Variants in A3GALT2 observed in about 807,000 individuals in gnomAD.
The protein encoded by A3GALT2 is alpha-1,3-galactosyltransferase 2.
Under a neutral mutation model 16.6 loss-of-function variants are expected in A3GALT2, and 14 were observed. The observed-to-expected ratio is 0.84, with a 90% CI of 0.56 to 1.32. A3GALT2 has a LOEUF of 1.32. Ranked by LOEUF, A3GALT2 falls within the 40% of genes most tolerant of loss-of-function variation. The pLI is 0.00. For synonymous variants in A3GALT2, 253 were observed against 218.0 expected (o/e 1.16, Z -1.42); for missense variants, 600 against 490.9 (o/e 1.22, Z -2.10).
Position 33,312,125 on chromosome 1 carries a change from C to A in A3GALT2, c.262G>T (p.Asp88Tyr). ...GCCTCTTGCTTGGCCACATCTGGGT[C>A]GAAAGAGCCATCCCAAATAATGGGA... ...GAPIIWDGSF[D>Y]PDVAKQEARQ... is the part of the protein sequence containing the mutation. The change falls in exon 4 of 5, where the codon GAC becomes TAC. Residue 88 changes from aspartate (D) to tyrosine (Y), a missense_variant. By Grantham distance (160) the Asp-to-Tyr change is radical. Coordinates refer to ENST00000442999, the MANE Select transcript of A3GALT2 (RefSeq NM_001080438.1). The A allele has an allele frequency of 6.2e-7, 1 of 1,613,576 alleles. No individual in the cohort carries two copies. The highest frequency in any genetic ancestry group is 1.1e-5 in the South Asian group (1 of 91,014).
In A3GALT2 at chr1:33,307,295, C is replaced by A; in HGVS notation, c.494G>T (p.Arg165Leu). The change falls in exon 5 of 5, where the codon CGC becomes CTC. Residue 165 changes from arginine (R) to leucine (L), a missense_variant. Physicochemically the swap from Arg to Leu is moderately radical, Grantham distance 102. Transcript: ENST00000442999. ...CGACACGTCTTGCCAGCGCCGCTCG[C>A]GCGCCACGCGCTCCACGGGCAGCCG... ...GRRLPVERVARERRWQDVSMA... is the reference protein window; with the variant it reads ...GRRLPVERVALERRWQDVSMA... 2 of 1,457,344 alleles carry A rather than the reference C, an allele frequency of 1.4e-6. No homozygotes were observed. The highest frequency in any genetic ancestry group is 1.8e-6 in the Non-Finnish European group (2 of 1,115,052). The allele number at this position is 1,457,344 out of a possible 1,614,324, so 90.3% of individuals were successfully genotyped here.
At chr1:33,309,558 CG>C (rs1646222617) in intron 4 of A3GALT2, among the ~76,000 whole-genome samples, 1 of 150,218 alleles carries the variant, frequency 6.7e-6, no homozygotes. Context: ...GGGCGGCTGC[CG>C]GGCGGAGGGG....
chr1:33,318,625 A>G (rs1646271624), intron 1 of A3GALT2, among the ~76,000 whole-genome samples: 2 of 151,864 alleles, frequency 1.3e-5, no homozygotes, highest in South Asian at 4.2e-4. Context: ...ACCCTTCACT[A>G]TGAAGTCTCC....
At chr1:33,310,590 G>C (rs889378329) in intron 4 of A3GALT2, among the ~76,000 whole-genome samples, 1 of 152,192 alleles carries the variant, frequency 6.6e-6, no homozygotes, top group Non-Finnish European at 1.5e-5. Context: ...TCTAAAGAGC[G>C]TTAGAAACTT....
At chr1:33,313,614 GC>G (rs1483829841) in intron 1 of A3GALT2, 2 of 152,090 alleles carry the variant, frequency 1.3e-5, no homozygotes, top group East Asian at 3.9e-4. Flanking sequence ...TCCAGGAAGG[GC>G]TCCAAATGCT....
intron 4 of A3GALT2, among the ~76,000 whole-genome samples, chr1:33,308,221 GT>G (rs1489091268): frequency 6.7e-6 from 1 of 149,858 alleles, no homozygotes; most frequent in Non-Finnish European, 1.5e-5. Flanking sequence ...GACTGGCAGC[GT>G]TTCTCTCTTT....
intron 1 of A3GALT2, among the ~76,000 whole-genome samples, chr1:33,315,200 G>A (rs2148162364): frequency 6.6e-6 from 1 of 152,170 alleles, no homozygotes; most frequent in African/African-American, 2.4e-5. Context: ...TGGCCAACAC[G>A]GTGAAACCCC....
In A3GALT2 at chr1:33,321,027, T is replaced by TA; in HGVS notation, c.23+48_23+49insT. The stretch of plus-strand genomic sequence containing the variant: ...GCCATCAGACTGGATCCCTCTTAGC[T>TA]CAGCTGTCCCCAAGCTTTCTTCCTC... On this transcript the variant is annotated intron_variant, in intron 1 of 4. Transcript: ENST00000442999. The TA allele has an allele frequency of 3.1e-6, 5 of 1,610,918 alleles. No individual in the cohort carries two copies. In the Middle Eastern group the frequency reaches 6.6e-4, roughly 213 times the overall value.
At chr1:33,313,890 C>T (rs940188996) in intron 1 of A3GALT2, among the ~76,000 whole-genome samples, 2 of 152,002 alleles carry the variant, frequency 1.3e-5, no homozygotes, top group African/African-American at 4.8e-5. Flanking sequence ...ACAAGCTAAG[C>T]GTTGAGAACA....
At chr1:33,315,246 G>T (rs1306421320) in intron 1 of A3GALT2, among the ~76,000 whole-genome samples, 1 of 152,168 alleles carries the variant, frequency 6.6e-6, no homozygotes, top group Non-Finnish European at 1.5e-5. Context: ...GCTGGCCGTG[G>T]TGGCACGCGT....
intron 1 of A3GALT2, chr1:33,313,647 C>T (rs1248826346): frequency 6.6e-6 from 1 of 152,134 alleles, no homozygotes; most frequent in Non-Finnish European, 1.5e-5. Context: ...TAAGCTCCTT[C>T]TGGGGAGCTT....
Position 33,313,171 on chromosome 1 carries a change from C to G in A3GALT2, c.24-281G>C, listed in dbSNP as rs1557808867. Among the ~76,000 whole-genome samples, 8 of 99,836 alleles carry G rather than the reference C, an allele frequency of 8.0e-5. 4 individuals are homozygous for G. The highest frequency in any genetic ancestry group is 6.7e-4 in the Admixed American group (6 of 8,954). 65.5% of individuals were successfully genotyped at this position (99,836 alleles called of 152,430 possible). ...TGCACAAGTGTTTGTGGCTCAGTGA[C>G]GGAGTTTTTTTTTTTTTTTTTTTTT... is the stretch of plus-strand genomic sequence containing the variant. On this transcript the variant is annotated intron_variant, in intron 1 of 4. Coordinates refer to ENST00000442999, the MANE Select transcript of A3GALT2 (RefSeq NM_001080438.1).
chr1:33,309,415 G>A lies in A3GALT2; in HGVS notation c.336-1962C>T, dbSNP rs530995391. ...GGGGGCTGCCCCCCACCTCCCTCCCGGACGGGGCGGCTGGCCAGGCGGGGG... is the reference window on the plus strand; with the variant it reads ...GGGGGCTGCCCCCCACCTCCCTCCCAGACGGGGCGGCTGGCCAGGCGGGGG... On this transcript the variant is annotated intron_variant, in intron 4 of 4. Transcript: ENST00000442999. Among the ~76,000 whole-genome samples the A allele has an allele frequency of 1.8e-4, 27 of 150,856 alleles. No individual in the cohort carries two copies. The East Asian group carries it at 1.8e-3, about 10-fold the overall frequency.
At chr1:33,309,762 C>A (rs1057303288) in intron 4 of A3GALT2, among the ~76,000 whole-genome samples, 1 of 150,908 alleles carries the variant, frequency 6.6e-6, no homozygotes, top group Admixed American at 6.6e-5. Context: ...CGGGCAGAGA[C>A]GCTCCTCACT....
chr1:33,310,888 G>T (rs550568179), intron 4 of A3GALT2, among the ~76,000 whole-genome samples: 6 of 152,308 alleles, frequency 3.9e-5, no homozygotes, highest in East Asian at 1.9e-4. Context: ...AGAGACGAAG[G>T]CCCAAGTAGC....
intron 4 of A3GALT2, among the ~76,000 whole-genome samples, chr1:33,311,687 A>G (rs778021463): frequency 2.6e-5 from 4 of 151,820 alleles, no homozygotes; most frequent in Non-Finnish European, 5.9e-5. Context: ...TCATCCCTCT[A>G]CTTACCCAGT....
Position 33,306,943 on chromosome 1 carries a change from G to A in A3GALT2, c.846C>T (p.Arg282=). ...CGTCGTGCCAGCGCGCCTCCAGGCC[G>A]CGCGCGCGGTCCCAGTCCAGGCCCC... ...CAGGLDWDRA[R]GLEARWHDES... is the part of the protein sequence containing the mutation. Residue 282 remains arginine (R), a synonymous_variant, in exon 5 of 5, where the codon CGC becomes CGT. Coordinates refer to ENST00000442999, the MANE Select transcript of A3GALT2 (RefSeq NM_001080438.1). 6.6e-7 allele frequency: 1 copy of A among 1,508,624 alleles called. No homozygotes were observed. The highest frequency in any genetic ancestry group is 1.2e-5 in the South Asian group (1 of 80,522). 93.5% of individuals were successfully genotyped at this position (1,508,624 alleles called of 1,614,324 possible). A position where few individuals can be genotyped will look rare whatever the true frequency, so the allele number is the denominator to read the frequency against.
In A3GALT2 at chr1:33,306,994, C is replaced by G. The variant is rs1050241291; in HGVS notation, c.795G>C (p.Leu265=). ...AAVFGGSVAA[L]RGLTAHCAGG... ...CCGCACAGTGCGCCGTCAGCCCGCG[C>G]AGCGCCGCCACGCTGCCCCCGAACA... Residue 265 remains leucine (L), a synonymous_variant, in exon 5 of 5, where the codon CTG becomes CTC. Coordinates refer to ENST00000442999, the MANE Select transcript of A3GALT2 (RefSeq NM_001080438.1). The G allele has an allele frequency of 2.7e-6, 4 of 1,461,826 alleles. No individual in the cohort carries two copies. The African/African-American group carries it at 4.4e-5, about 16-fold the overall frequency. 90.6% of individuals were successfully genotyped at this position (1,461,826 alleles called of 1,614,324 possible). A position where few individuals can be genotyped will look rare whatever the true frequency, so the allele number is the denominator to read the frequency against.
intron 1 of A3GALT2, chr1:33,313,174 A>T (rs148811852): frequency 0.014 from 91 of 6,574 alleles, 23 homozygotes; most frequent in East Asian, 0.033. Context: ...TCAGTGACGG[A>T]GTTTTTTTTT....
Sources: gnomAD v4.1 joint callset for allele counts (sites outside exome capture counted in the v4.1 genomes callset) on GRCh38, gnomAD v4.1.1 for gene constraint, MANE v1.5 for transcripts, NCBI Gene and HGNC (gene_info 2026-07-23, HGNC 2026-07-21) for gene names.